The following CNOT6 variants were observed in gnomAD, a reference collection of about 807,000 sequenced individuals.
The protein encoded by CNOT6 is CCR4-NOT transcription complex subunit 6.
Under a neutral mutation model 61.2 loss-of-function variants are expected in CNOT6, and 12 were observed. The observed-to-expected ratio is 0.20, with a 90% CI of 0.13 to 0.32. The LOEUF is 0.32. Ranked by LOEUF, CNOT6 falls within the 10% of genes least tolerant of loss-of-function variation. The pLI is 1.00. For synonymous variants in CNOT6, 225 were observed against 240.6 expected, an observed-to-expected ratio of 0.94 and a Z score of 0.60; for missense variants, 405 against 663.9, an observed-to-expected ratio of 0.61 and a Z score of 4.28.
chr5:180,548,733 A>C (rs1759437845), intron 2 of CNOT6, among the ~76,000 whole-genome samples: 1 of 152,200 alleles, frequency 6.6e-6, no homozygotes, highest in Non-Finnish European at 1.5e-5. Flanking sequence ...GATGGTTGTC[A>C]CAGGTGGCAT....
In CNOT6 at chr5:180,577,814, G is replaced by C. The variant is rs931186089; in HGVS notation, c.*3614G>C. On this transcript the variant is annotated 3_prime_UTR_variant, in exon 12 of 12. Coordinates refer to ENST00000261951, the MANE Select transcript of CNOT6 (RefSeq NM_001370472.1). The stretch of plus-strand genomic sequence containing the variant: ...GTGATGGGAACTGAATAAACCATAC[G>C]GACTGGCAGTAACAAGGGCTTTTAC... 6.6e-6 allele frequency: 1 copy of C among 152,558 alleles called. No individual in the cohort carries two copies. The highest frequency in any genetic ancestry group is 2.1e-4 in the South Asian group (1 of 4,830). 9.5% of individuals were successfully genotyped at this position (152,558 alleles called of 1,614,324 possible).
intron 4 of CNOT6, among the ~76,000 whole-genome samples, chr5:180,558,155 G>A (rs187222382): frequency 8.4e-4 from 128 of 152,306 alleles, no homozygotes; most frequent in Admixed American, 8.2e-3. Flanking sequence ...ACAGCTGTGC[G>A]TGGCCACAGG....
intron 2 of CNOT6, among the ~76,000 whole-genome samples, chr5:180,536,333 T>G (rs972197632): frequency 6.6e-6 from 1 of 152,038 alleles, no homozygotes; most frequent in African/African-American, 2.4e-5. Flanking sequence ...TTGAGTTCCT[T>G]GTAGATTCTA....
rs1248640861 is a variant in CNOT6 at position 180,577,163 on chromosome 5, A to ATGTGTGTGTGTGTGTGTGTGTGTGTG, written c.*2971_*2996dup. The ATGTGTGTGTGTGTGTGTGTGTGTGTG allele has an allele frequency of 7.5e-5, 11 of 145,750 alleles. No homozygotes were observed. Among genetic ancestry groups the ATGTGTGTGTGTGTGTGTGTGTGTGTG allele is most frequent in the African/African-American group, 2.5e-4 (10 of 39,432 alleles). The allele number at this position is 145,750 out of a possible 1,614,324, so 9.0% of individuals were successfully genotyped here. On this transcript the variant is annotated 3_prime_UTR_variant, in exon 12 of 12. Transcript: ENST00000261951. ...AGATAGGCAGAGAACATCTCCAGAA[A>ATGTGTGTGTGTGTGTGTGTGTGTGTG]TGTGTGTGTGTGTGTGTGTGTGTGT...
chr5:180,520,286 C>T (rs1250854524), intron 1 of CNOT6, among the ~76,000 whole-genome samples: 1 of 152,226 alleles, frequency 6.6e-6, no homozygotes, highest in East Asian at 1.9e-4. Context: ...AGATGAACAT[C>T]TGGGAATGAC....
intron 11 of CNOT6, among the ~76,000 whole-genome samples, chr5:180,573,704 A>G (rs1481049118): frequency 6.6e-6 from 1 of 151,972 alleles, no homozygotes; most frequent in Non-Finnish European, 1.5e-5. Flanking sequence ...GGAAGCAGGG[A>G]AAGTGGCACA....
At chr5:180,550,193 G>A in intron 3 of CNOT6, 76 bp downstream of exon 3, 1 of 1,170,044 alleles carries the variant, frequency 8.5e-7, no homozygotes, top group Non-Finnish European at 1.2e-6. Context: ...AGTGGCTTAT[G>A]CCTGTAATTC....
At chr5:180,539,859 G>A (rs1284899129) in intron 2 of CNOT6, among the ~76,000 whole-genome samples, 1 of 151,980 alleles carries the variant, frequency 6.6e-6, no homozygotes, top group African/African-American at 2.4e-5. Flanking sequence ...AAAGTGCTGG[G>A]ATTACAGGCG....
At chr5:180,546,522 C>T (rs1401195075) in intron 2 of CNOT6, among the ~76,000 whole-genome samples, 1 of 152,218 alleles carries the variant, frequency 6.6e-6, no homozygotes, top group Non-Finnish European at 1.5e-5. Flanking sequence ...CAACAGTACA[C>T]TTTTGTTTCC....
chr5:180,569,966 C>T (rs1213814821), intron 10 of CNOT6, among the ~76,000 whole-genome samples: 2 of 152,140 alleles, frequency 1.3e-5, no homozygotes, highest in Non-Finnish European at 1.5e-5. Context: ...TTTATACACA[C>T]AGGAATACTC....
chr5:180,574,074 G>T lies in CNOT6; in HGVS notation c.1548G>T (p.Glu516Asp). Residue 516 changes from glutamate to aspartate, a missense_variant, in exon 12 of 12, where the codon GAG becomes GAT. By Grantham distance (45) the Glu-to-Asp change is conservative. Around this residue, in one of 5 missense-constraint regions of CNOT6, gnomAD observed 52 missense variants for 69.3 expected, o/e 0.75. Coordinates refer to ENST00000261951, the MANE Select transcript of CNOT6 (RefSeq NM_001370472.1). ...CTCTGGACCACCACTGGCTGGTTGA[G>T]AATAACATCAGTGGCTGCCCGCACC... ...LGPLDHHWLV[E>D]NNISGCPHPL... 1 of 1,614,066 alleles carries T rather than the reference G, an allele frequency of 6.2e-7. No homozygotes were observed. The highest frequency in any genetic ancestry group is 8.5e-7 in the Non-Finnish European group (1 of 1,179,948).
In CNOT6 at chr5:180,575,975, GGTTTTTT is replaced by G. The variant is rs1264605908; in HGVS notation, c.*1790_*1796del. ...TCTTGGACCTGTTTTTTCCTTTGAG[GGTTTTTT>G]GTTTTTTGTTTTTTCTAGGATTTCA... On this transcript the variant is annotated 3_prime_UTR_variant, in exon 12 of 12. Transcript: ENST00000261951. 7 of 151,786 alleles carry G rather than the reference GGTTTTTT, an allele frequency of 4.6e-5. No individual in the cohort carries two copies. Among genetic ancestry groups the G allele is most frequent in the Admixed American group, 1.3e-4 (2 of 15,216 alleles). The allele number at this position is 151,786 out of a possible 1,614,324, so 9.4% of individuals were successfully genotyped here.
intron 1 of CNOT6, among the ~76,000 whole-genome samples, chr5:180,500,003 A>G (rs1337455511): frequency 2.0e-5 from 3 of 152,328 alleles, no homozygotes; most frequent in Admixed American, 6.5e-5. Flanking sequence ...TATGTGACAG[A>G]ATAGCACATA....
Position 180,558,751 on chromosome 5 carries a change from G to A in CNOT6, c.385+5280G>A, listed in dbSNP as rs78909258. 2.3e-3 allele frequency among the ~76,000 whole-genome samples: 347 copies of A among 152,044 alleles called. 1 individual carries two copies. Among genetic ancestry groups the A allele is most frequent in the African/African-American group, 8.1e-3 (336 of 41,476 alleles). ...CTCCCAACCCTGCTTTAGAAGCTAT[G>A]TCCAGCAACAAATTTTGATATTTGT... On this transcript the variant is annotated intron_variant, in intron 4 of 11. Transcript: ENST00000261951.
chr5:180,520,511 G>A (rs1019481055), intron 1 of CNOT6, among the ~76,000 whole-genome samples: 38 of 151,894 alleles, frequency 2.5e-4, no homozygotes, highest in African/African-American at 9.2e-4. Context: ...GCATGGTGGC[G>A]CCTGCCTGTA....
At chr5:180,569,035 T>TAA in intron 9 of CNOT6, 75 bp from the exon 10 acceptor site, 1 of 1,086,466 alleles carries the variant, frequency 9.2e-7, no homozygotes, top group East Asian at 2.5e-5. Context: ...ATTATTTGCT[T>TAA]TCAGACGCTG....
intron 4 of CNOT6, among the ~76,000 whole-genome samples, chr5:180,562,061 C>A (rs567860292): frequency 1.1e-4 from 17 of 152,206 alleles, no homozygotes; most frequent in African/African-American, 4.1e-4. Context: ...TGTTGGGATT[C>A]TTTTGGGTCT....
chr5:180,553,341 A>G, intron 3 of CNOT6, 45 bp from the exon 4 acceptor site: 1 of 1,338,142 alleles, frequency 7.5e-7, no homozygotes, highest in Non-Finnish European at 1.1e-6. Context: ...TAACTGTTAA[A>G]GGCTAACATA....
chr5:180,525,926 A>C (rs934082616), intron 1 of CNOT6, among the ~76,000 whole-genome samples: 2 of 152,092 alleles, frequency 1.3e-5, no homozygotes, highest in African/African-American at 4.8e-5. Context: ...TCTTTTAAAA[A>C]AAAATTAAAA....
Sources: allele counts gnomAD v4.1 joint callset (sites outside exome capture counted in the v4.1 genomes callset), GRCh38; gene constraint gnomAD v4.1.1; regional missense constraint gnomAD v4.1.1; transcripts MANE v1.5; gene names NCBI Gene and HGNC (gene_info 2026-07-23, HGNC 2026-07-21).